Variants in GPC3 observed in about 807,000 individuals in gnomAD.
GPC3 encodes the protein glypican-3.
GPC3 carries 3 observed loss-of-function variants against 34.4 expected under a neutral mutation model. The observed-to-expected ratio is 0.09, with a 90% CI of 0.04 to 0.23. The LOEUF (loss-of-function observed/expected upper bound fraction) is 0.23. Ranked by LOEUF, GPC3 falls within the 10% of genes least tolerant of loss-of-function variation. The pLI, the probability that GPC3 is intolerant of heterozygous loss-of-function variation, is 1.00. For missense variants in GPC3, 351 were observed against 445.6 expected (o/e 0.79, Z 1.91); for synonymous variants, 177 against 174.0 (o/e 1.02, Z -0.13).
intron 7 of GPC3, among the ~76,000 whole-genome samples, chrX:133,588,429 C>T (rs778532361): frequency 9.0e-6 from 1 of 111,216 alleles, no homozygotes; most frequent in East Asian, 2.8e-4. Context: ...TTTCATTTCC[C>T]TACAAGCTTT....
At chrX:133,594,465 T>C (rs372601956) in intron 7 of GPC3, among the ~76,000 whole-genome samples, 1 of 112,056 alleles carries the variant, frequency 8.9e-6, no homozygotes, top group African/African-American at 3.2e-5. Flanking sequence ...GTGGAAGCAA[T>C]CTACATGTCC....
intron 1 of GPC3, among the ~76,000 whole-genome samples, chrX:133,965,046 A>G (rs763218365): frequency 2.7e-5 from 3 of 111,634 alleles, no homozygotes; most frequent in African/African-American, 9.8e-5. Context: ...CATTTCTGAC[A>G]CTTTACAACT....
At chrX:133,781,833 G>A (rs2072048646) in intron 2 of GPC3, among the ~76,000 whole-genome samples, 1 of 111,658 alleles carries the variant, frequency 9.0e-6, no homozygotes, top group African/African-American at 3.3e-5. Context: ...AGGGTGCCAG[G>A]AACCTGAAAG....
chrX:133,934,868 AAGAATGACCTAATAC>A lies in GPC3; in HGVS notation c.337+18167_337+18181del, dbSNP rs755825841. On this transcript the variant is annotated intron_variant, in intron 2 of 7. Coordinates refer to ENST00000370818, the MANE Select transcript of GPC3 (RefSeq NM_004484.4). ...CTCAGGTATTTCTTTATAGTAATGCAAGAATGACCTAATACAGCCTCGCAACTAGACGGGGCTGAA... is the reference window on the plus strand; with the variant it reads ...CTCAGGTATTTCTTTATAGTAATGCAAGCCTCGCAACTAGACGGGGCTGAA... 9.0e-5 allele frequency among the ~76,000 whole-genome samples: 10 copies of A among 110,869 alleles called. No individual in the cohort carries two copies. The East Asian group carries it at 2.3e-3, about 25-fold the overall frequency.
In GPC3 at chrX:133,612,710, G is replaced by A. The variant is rs180875392; in HGVS notation, c.1414-16111C>T. On this transcript the variant is annotated intron_variant, in intron 6 of 7. Coordinates refer to ENST00000370818, the MANE Select transcript of GPC3 (RefSeq NM_004484.4). Reference sequence around the variant, plus strand: ...TTGGTGGTTTAAGTTTTCCATATTTGTCAAATCAAGATAATATCACCTACC... The same window carrying A: ...TTGGTGGTTTAAGTTTTCCATATTTATCAAATCAAGATAATATCACCTACC... Among the ~76,000 whole-genome samples the A allele has an allele frequency of 1.8e-3, 207 of 112,192 alleles. 1 individual carries two copies. The highest frequency in any genetic ancestry group is 6.4e-3 in the African/African-American group (199 of 30,914).
intron 2 of GPC3, among the ~76,000 whole-genome samples, chrX:133,948,999 T>C (rs1036907428): frequency 8.9e-6 from 1 of 112,336 alleles, no homozygotes; most frequent in Non-Finnish European, 1.9e-5. Context: ...GTTTTCAAGA[T>C]ACTTTCACAT....
At chrX:133,595,723 C>T (rs1487608550) in intron 7 of GPC3, among the ~76,000 whole-genome samples, 1 of 110,813 alleles carries the variant, frequency 9.0e-6, no homozygotes, top group Non-Finnish European at 1.9e-5. Context: ...TCATGTTGCC[C>T]AGGCTGGTCT....
chrX:133,810,856 C>T (rs1285475308), intron 2 of GPC3, among the ~76,000 whole-genome samples: 5 of 63,830 alleles, frequency 7.8e-5, no homozygotes, highest in African/African-American at 2.5e-4. Flanking sequence ...AGCAAGACTC[C>T]GTCTCAAAAA....
intron 2 of GPC3, among the ~76,000 whole-genome samples, chrX:133,819,954 A>G (rs1412732628): frequency 8.9e-6 from 1 of 112,100 alleles, no homozygotes; most frequent in Non-Finnish European, 1.9e-5. Flanking sequence ...CATTACTTCA[A>G]TCACACTACA....
chrX:133,894,767 G>A (rs934392101), intron 2 of GPC3, among the ~76,000 whole-genome samples: 4 of 112,032 alleles, frequency 3.6e-5, no homozygotes, highest in African/African-American at 1.3e-4. Context: ...TTGAACCCAG[G>A]AGGCGGAGGT....
intron 2 of GPC3, among the ~76,000 whole-genome samples, chrX:133,790,673 A>G (rs1340740270): frequency 1.8e-5 from 2 of 111,484 alleles, no homozygotes; most frequent in Middle Eastern, 4.6e-3. Flanking sequence ...TGTGTTTGTT[A>G]AAAGGCCTGT....
chrX:133,791,982 G>A (rs1263314517), intron 2 of GPC3, among the ~76,000 whole-genome samples: 9 of 106,737 alleles, frequency 8.4e-5, no homozygotes, highest in Non-Finnish European at 1.3e-4. Flanking sequence ...CCACATTCAA[G>A]TGATTCTCCC....
chrX:133,909,169 G>C lies in GPC3; in HGVS notation c.337+43881C>G, dbSNP rs140344600. Reference sequence around the variant, plus strand: ...TGTTAAATAAACGAATATTTGGGCAGAGCCAAAAAACAGTTCCTGTGGCCC... The same window carrying C: ...TGTTAAATAAACGAATATTTGGGCACAGCCAAAAAACAGTTCCTGTGGCCC... On this transcript the variant is annotated intron_variant, in intron 2 of 7. Coordinates refer to ENST00000370818, the MANE Select transcript of GPC3 (RefSeq NM_004484.4). Among the ~76,000 whole-genome samples the C allele has an allele frequency of 1.2e-3, 138 of 112,252 alleles. 2 individuals carry two copies. In the East Asian group the frequency reaches 0.027, roughly 22 times the overall value.
chrX:133,573,263 A>G (rs2124303572), intron 7 of GPC3, among the ~76,000 whole-genome samples: 1 of 112,285 alleles, frequency 8.9e-6, no homozygotes, highest in East Asian at 2.8e-4. Context: ...CCTCAGCCCA[A>G]TACAGGGCAT....
chrX:133,873,384 C>T (rs968633883), intron 2 of GPC3, among the ~76,000 whole-genome samples: 16 of 112,098 alleles, frequency 1.4e-4, no homozygotes, highest in African/African-American at 4.9e-4. Context: ...CTATGCCAGT[C>T]CCAATATATA....
intron 2 of GPC3, among the ~76,000 whole-genome samples, chrX:133,759,054 A>C (rs2071759297): frequency 1.8e-5 from 2 of 111,583 alleles, no homozygotes; most frequent in African/African-American, 6.5e-5. Context: ...TACTGCAATG[A>C]GACAATAAAA....
At chrX:133,728,190 C>T (rs2071429076) in intron 3 of GPC3, among the ~76,000 whole-genome samples, 1 of 112,012 alleles carries the variant, frequency 8.9e-6, no homozygotes, top group Admixed American at 9.5e-5. Flanking sequence ...ACACCCATGC[C>T]AGTGGCCTAC....
chrX:133,785,966 T>C (rs1164031966), intron 2 of GPC3, among the ~76,000 whole-genome samples: 1 of 112,608 alleles, frequency 8.9e-6, no homozygotes, highest in Non-Finnish European at 1.9e-5. Context: ...ATAAAACCTA[T>C]AGATCAATAA....
In GPC3 at chrX:133,898,746, T is replaced by A. The variant is rs775774429; in HGVS notation, c.337+54304A>T. Among the ~76,000 whole-genome samples, 3 of 112,023 alleles carry A rather than the reference T, an allele frequency of 2.7e-5. No homozygotes were observed. The South Asian group carries it at 1.1e-3, about 42-fold the overall frequency. On this transcript the variant is annotated intron_variant, in intron 2 of 7. Coordinates refer to ENST00000370818, the MANE Select transcript of GPC3 (RefSeq NM_004484.4). ...GTTCAATCTATTACTGCTAAGTGCA[T>A]AAGCCTGTTTTGGGGAGGAGTTTAT...
Sources: gnomAD v4.1 joint callset for allele counts (sites outside exome capture counted in the v4.1 genomes callset) on GRCh38, gnomAD v4.1.1 for gene constraint, MANE v1.5 for transcripts, NCBI Gene and HGNC (gene_info 2026-07-23, HGNC 2026-07-21) for gene names.